The following FRY variants were observed in gnomAD, a reference collection of about 807,000 sequenced individuals.
FRY encodes protein furry homolog.
FRY carries 128 observed loss-of-function variants against 348.4 expected under a neutral mutation model. The observed-to-expected ratio is 0.37, with a 90% confidence interval of 0.32 to 0.43. The LOEUF is 0.43. Ranked by LOEUF, FRY falls within the 20% of genes least tolerant of loss-of-function variation. FRY has a pLI of 1.00. For missense variants in FRY, 2,736 were observed against 3,695.2 expected, an observed-to-expected ratio of 0.74 and a Z score of 6.73; for synonymous variants, 1,370 against 1,374.7, an observed-to-expected ratio of 1.00 and a Z score of 0.08.
chr13:32,253,358 T>C (rs1475055732), intron 50 of FRY, among the ~76,000 whole-genome samples: 1 of 152,268 alleles, frequency 6.6e-6, no homozygotes, highest in African/African-American at 2.4e-5. Context: ...TTTCTACTTT[T>C]GAGAGATGTT....
chr13:32,175,087 A>G (rs1272474321), intron 19 of FRY, among the ~76,000 whole-genome samples: 2 of 152,126 alleles, frequency 1.3e-5, no homozygotes. Context: ...TGGTCAGTCT[A>G]GTTTCTTTGG....
chr13:32,262,164 G>A, intron 52 of FRY, 150 bp from the exon 53 acceptor site: 1 of 688,828 alleles, frequency 1.5e-6, no homozygotes, highest in Middle Eastern at 2.6e-4. Flanking sequence ...GAAAATACCT[G>A]GATTACTAGC....
At position 32,218,749 on chromosome 13, in the gene FRY, G is replaced by T. The variant is rs753447527; in HGVS notation, c.4683G>T (p.Arg1561Ser). 1.9e-6 allele frequency: 3 copies of T among 1,562,832 alleles called. No individual in the cohort carries two copies. The East Asian group carries it at 6.7e-5, about 35-fold the overall frequency. Reference protein sequence around the residue: ...ENKILKESDERFSNVIRAHTR... With the variant: ...ENKILKESDESFSNVIRAHTR... ...ATTCTGGTTGTTCTTGTATTTGAAG[G>T]TTTAGTAATGTCATCAGAGCCCACA... The change falls in exon 36 of 61, where the codon AGG becomes AGT. Residue 1561 changes from arginine (R) to serine (S), a missense_variant and splice_region_variant. Around this residue, in one of 9 missense-constraint regions of FRY, gnomAD observed 794 missense variants for 977.0 expected, o/e 0.81. Transcript: ENST00000542859.
chr13:32,097,474 C>T (rs554366384), intron 2 of FRY, among the ~76,000 whole-genome samples: 29 of 151,306 alleles, frequency 1.9e-4, no homozygotes, highest in African/African-American at 6.1e-4. Context: ...GATTCTCCCA[C>T]CTCAGCCTCC....
chr13:32,209,348 T>TA (rs770726475), intron 32 of FRY, among the ~76,000 whole-genome samples: 11 of 152,108 alleles, frequency 7.2e-5, no homozygotes, highest in Non-Finnish European at 1.5e-4. Context: ...AGAATGATAA[T>TA]AAAAATAAAA....
chr13:32,128,437 C>T (rs970987876), intron 7 of FRY, among the ~76,000 whole-genome samples: 17 of 152,148 alleles, frequency 1.1e-4, no homozygotes, highest in African/African-American at 2.4e-4. Flanking sequence ...AGTAGGCCCC[C>T]GGTAAATTAT....
Position 32,065,598 on chromosome 13 carries a change from G to A in FRY, c.71-13236G>A, listed in dbSNP as rs751980623. ...TAGGATTACAAGCATGAGCCACAGCGCCCGACCAAAAAAATTTTTTTAGAG... is the reference window on the plus strand; with the variant it reads ...TAGGATTACAAGCATGAGCCACAGCACCCGACCAAAAAAATTTTTTTAGAG... On this transcript the variant is annotated intron_variant, in intron 1 of 60. Transcript: ENST00000542859. Among the ~76,000 whole-genome samples the A allele has an allele frequency of 5.3e-5, 8 of 149,966 alleles. No individual in the cohort carries two copies. The South Asian group carries it at 8.4e-4, about 16-fold the overall frequency.
chr13:32,161,059 T>C (rs1881417145), intron 16 of FRY, 85 bp from the exon 17 acceptor site: 2 of 884,170 alleles, frequency 2.3e-6, no homozygotes, highest in Non-Finnish European at 3.9e-6. Flanking sequence ...GCATGGATTC[T>C]AGTCTTTGTT....
At chr13:32,134,009 G>C (rs1174216368) in intron 8 of FRY, among the ~76,000 whole-genome samples, 6 of 151,908 alleles carry the variant, frequency 3.9e-5, no homozygotes, top group African/African-American at 1.2e-4. Flanking sequence ...GGAATTCTGG[G>C]CTCAAACGAT....
chr13:32,254,566 G>T (rs373799152), intron 51 of FRY, among the ~76,000 whole-genome samples, 172 bp downstream of exon 51: 3 of 152,152 alleles, frequency 2.0e-5, no homozygotes, highest in African/African-American at 7.2e-5. Flanking sequence ...TTTGGCAAAA[G>T]TTACCACACC....
At chr13:32,038,620 C>G (rs1313421492) in intron 1 of FRY, 1 of 152,142 alleles carries the variant, frequency 6.6e-6, no homozygotes, top group Non-Finnish European at 1.5e-5. Context: ...TAACATTGCT[C>G]CATCACTGAA....
chr13:32,119,007 A>C (rs1878480878), intron 4 of FRY, among the ~76,000 whole-genome samples: 1 of 152,132 alleles, frequency 6.6e-6, no homozygotes, highest in Non-Finnish European at 1.5e-5. Flanking sequence ...TAGATTTTTC[A>C]TGAATTGATT....
At chr13:32,224,141 A>T (rs777889352) in intron 36 of FRY, 94 bp from the exon 37 acceptor site, 105 of 1,158,764 alleles carry the variant, frequency 9.1e-5, no homozygotes, top group Non-Finnish European at 1.3e-4. Flanking sequence ...TTTTACAAGC[A>T]TACATTTTTA....
chr13:32,208,022 A>AT (rs1477253479), intron 31 of FRY, among the ~76,000 whole-genome samples: 1 of 152,244 alleles, frequency 6.6e-6, no homozygotes, highest in Admixed American at 6.5e-5. Context: ...TATTTGGATT[A>AT]TAAAATTAAA....
chr13:32,263,963 C>T (rs1887798599), intron 53 of FRY, among the ~76,000 whole-genome samples: 1 of 152,034 alleles, frequency 6.6e-6, no homozygotes, highest in South Asian at 2.1e-4. Flanking sequence ...GCTGAGATCG[C>T]ACCACTGCAC....
intron 1 of FRY, among the ~76,000 whole-genome samples, 162 bp downstream of exon 1, chr13:32,032,027 C>CTT (rs1244900420): frequency 2.5e-3 from 182 of 71,686 alleles, no homozygotes; most frequent in East Asian, 6.4e-3. Flanking sequence ...CTTTCTTTTT[C>CTT]TTTCTTTCTT....
intron 49 of FRY, 104 bp from the exon 50 acceptor site, chr13:32,251,774 C>A: frequency 1.3e-6 from 1 of 776,188 alleles, no homozygotes. Flanking sequence ...TTCATTCTGT[C>A]TATACGTTAA....
At chr13:32,145,748 G>T (rs558493736) in intron 11 of FRY, among the ~76,000 whole-genome samples, 1 of 151,354 alleles carries the variant, frequency 6.6e-6, no homozygotes, top group Admixed American at 6.6e-5. Context: ...GTTTCACCTT[G>T]TTAGCCAGGA....
chr13:32,213,873 A>T (rs74681692), intron 35 of FRY, among the ~76,000 whole-genome samples: 4,168 of 152,304 alleles, frequency 0.027, 213 homozygotes, highest in African/African-American at 0.093. Context: ...TAATATCAAG[A>T]TCACAGAACA....
Sources: gnomAD v4.1 joint callset for allele counts (sites outside exome capture counted in the v4.1 genomes callset) on GRCh38, gnomAD v4.1.1 for gene constraint, gnomAD v4.1.1 regional missense constraint, MANE v1.5 for transcripts, NCBI Gene and HGNC (gene_info 2026-07-23, HGNC 2026-07-21) for gene names.